Variants in COL18A1 observed in about 807,000 individuals in gnomAD.
COL18A1 encodes collagen alpha-1(XVIII) chain.
COL18A1 carries 133 observed loss-of-function variants against 168.0 expected under a neutral mutation model. The observed-to-expected ratio is 0.79, with a 90% confidence interval of 0.69 to 0.91. The LOEUF is 0.91. Ranked by LOEUF, COL18A1 falls within the 40% of genes least tolerant of loss-of-function variation. COL18A1 has a pLI of 0.00. For synonymous variants in COL18A1, 949 were observed against 809.0 expected (o/e 1.17, Z -2.94); for missense variants, 2,126 against 1,925.4 (o/e 1.10, Z -1.95).
intron 2 of COL18A1, among the ~76,000 whole-genome samples, chr21:45,453,570 G>A (rs1055073202): frequency 3.9e-5 from 6 of 152,206 alleles, no homozygotes; most frequent in Admixed American, 1.3e-4. Flanking sequence ...GAGGTTAAAC[G>A]TGCGATGCTG....
chr21:45,412,234 TTTC>T (rs201073105), intron 2 of COL18A1, among the ~76,000 whole-genome samples: 1,412 of 85,670 alleles, frequency 0.016, 41 homozygotes, highest in South Asian at 0.036. Context: ...TGGGGGTATA[TTTC>T]TTTTTTTTTT....
At chr21:45,440,788 A>T (rs746547423) in intron 2 of COL18A1, among the ~76,000 whole-genome samples, 67 of 152,168 alleles carry the variant, frequency 4.4e-4, no homozygotes, top group Non-Finnish European at 3.5e-4. Flanking sequence ...GCTTTTTGGA[A>T]ATGTCGATGC....
chr21:45,467,224 A>T (rs989406524), intron 2 of COL18A1: 1 of 985,098 alleles, frequency 1.0e-6, no homozygotes, highest in Admixed American at 6.2e-5. Context: ...GAGGTGTGAG[A>T]ACTCTGGGCA....
chr21:45,488,297 A>C, intron 17 of COL18A1, 121 bp from the exon 18 acceptor site: 1 of 1,246,536 alleles, frequency 8.0e-7, no homozygotes, highest in Non-Finnish European at 1.2e-6. Context: ...AACTTAGTAC[A>C]TTTCCTTTTA....
At chr21:45,492,747 C>T (rs552839103) in intron 24 of COL18A1, 34 bp downstream of exon 24, 26 of 1,539,596 alleles carry the variant, frequency 1.7e-5, no homozygotes, top group African/African-American at 1.6e-4. Context: ...GCATGCTGCC[C>T]GGCTGGGGAG....
In COL18A1 at chr21:45,505,874, C is replaced by G. The variant is rs961423812; in HGVS notation, c.3124C>G (p.Gln1042Glu). 6.2e-7 allele frequency: 1 copy of G among 1,612,356 alleles called. No homozygotes were observed. The highest frequency in any genetic ancestry group is 8.5e-7 in the Non-Finnish European group (1 of 1,179,844). ...LWATRQAMLGQVHEVPEGWLI... is the reference protein window; with the variant it reads ...LWATRQAMLGEVHEVPEGWLI... ...GGCTACACGCCAGGCCATGCTGGGC[C>G]AGGTGCACGAGGTTCCCGAGGGCTG... Residue 1042 changes from glutamine (Q) to glutamate (E), a missense_variant, in exon 37 of 42, where the codon CAG (glutamine) becomes GAG (glutamate). Transcript: ENST00000651438.
intron 6 of COL18A1, 25 bp from the exon 7 acceptor site, chr21:45,477,386 T>G (rs760178579): frequency 6.2e-7 from 1 of 1,602,296 alleles, no homozygotes; most frequent in South Asian, 1.1e-5. Flanking sequence ...GGCGTGACCG[T>G]GGCCACCTCT....
At position 45,511,079 on chromosome 21, in the gene COL18A1, C is replaced by CA. The variant is rs1555876759; in HGVS notation, c.3694-32_3694-31insA. On this transcript the variant is annotated intron_variant, in intron 40 of 41. Transcript: ENST00000651438. ...CCACACCCATCCACACCCCCACACA[C>CA]CACACACACATACACACGGTTTCTC... The CA allele has an allele frequency of 3.4e-4, 349 of 1,034,788 alleles. 1 individual carries two copies. In the East Asian group the frequency reaches 7.4e-3, roughly 22 times the overall value. The allele number at this position is 1,034,788 out of a possible 1,614,324, so 64.1% of individuals were successfully genotyped here. A position where few individuals can be genotyped will look rare whatever the true frequency, so the allele number is the denominator to read the frequency against.
intron 6 of COL18A1, 136 bp downstream of exon 6, chr21:45,476,616 G>A (rs1198364179): frequency 9.0e-7 from 1 of 1,105,152 alleles, no homozygotes; most frequent in Non-Finnish European, 1.3e-6. Context: ...ATGTGTGTGT[G>A]ATATGGCACG....
At chr21:45,439,360 G>A (rs1490035977) in intron 2 of COL18A1, among the ~76,000 whole-genome samples, 1 of 152,246 alleles carries the variant, frequency 6.6e-6, no homozygotes, top group African/African-American at 2.4e-5. Flanking sequence ...GTGAGCAGAG[G>A]CCGTGTGGAT....
intron 2 of COL18A1, chr21:45,410,076 C>G (rs908664956): frequency 2.3e-4 from 35 of 152,212 alleles, no homozygotes; most frequent in African/African-American, 6.5e-4. Flanking sequence ...GTCTGTGCCC[C>G]GTGCCTGCAG....
intron 2 of COL18A1, among the ~76,000 whole-genome samples, chr21:45,414,019 C>A (rs1178822718): frequency 6.6e-6 from 1 of 152,252 alleles, no homozygotes; most frequent in Non-Finnish European, 1.5e-5. Context: ...CATCTCTGCT[C>A]TCTGAGCCTT....
intron 2 of COL18A1, among the ~76,000 whole-genome samples, chr21:45,434,128 TC>T (rs2034037428): frequency 6.6e-6 from 1 of 151,302 alleles, no homozygotes; most frequent in Non-Finnish European, 1.5e-5. Flanking sequence ...AGCAGACACT[TC>T]CTGTGCAAGC....
chr21:45,475,857 G>A (rs1006037625), intron 5 of COL18A1, among the ~76,000 whole-genome samples: 1 of 152,380 alleles, frequency 6.6e-6, no homozygotes, highest in East Asian at 1.9e-4. Context: ...TAGCTCGTGC[G>A]TGGCCATCAG....
intron 9 of COL18A1, among the ~76,000 whole-genome samples, chr21:45,479,601 CCA>C (rs555135754): frequency 2.2e-4 from 31 of 140,776 alleles, no homozygotes; most frequent in African/African-American, 5.8e-4. Flanking sequence ...ACCATGCATA[CCA>C]CACACACACA....
intron 29 of COL18A1, 197 bp downstream of exon 29, chr21:45,495,629 C>G: frequency 3.3e-6 from 2 of 598,150 alleles, no homozygotes; most frequent in Non-Finnish European, 6.2e-6. Flanking sequence ...CCCAAACATG[C>G]ATGCACATAT....
chr21:45,478,217 G>T, intron 8 of COL18A1, 110 bp from the exon 9 acceptor site: 1 of 1,447,892 alleles, frequency 6.9e-7, no homozygotes. Context: ...GGGGGAAGGC[G>T]TCTGCCGCCT....
At chr21:45,494,415 C>A in intron 26 of COL18A1, 130 bp from the exon 27 acceptor site, 1 of 1,345,198 alleles carries the variant, frequency 7.4e-7, no homozygotes, top group Non-Finnish European at 1.1e-6. Context: ...ACCACAGCGG[C>A]CCTTAGGGAG....
rs572131838 is a variant in COL18A1, at chr21:45,439,140, A to G, written c.107-29102A>G. Among the ~76,000 whole-genome samples the G allele has an allele frequency of 2.0e-5, 3 of 152,376 alleles. No individual in the cohort carries two copies. In the South Asian group the frequency reaches 6.2e-4, roughly 32 times the overall value. ...TAAAAACTACACTTAACGTTTTTTAATTCGAGAAAACCTATCTGTTGCTGT... is the reference window on the plus strand; with the variant it reads ...TAAAAACTACACTTAACGTTTTTTAGTTCGAGAAAACCTATCTGTTGCTGT... On this transcript the variant is annotated intron_variant, in intron 2 of 41. Coordinates refer to ENST00000651438, the MANE Select transcript of COL18A1 (RefSeq NM_001379500.1).
Sources: allele counts gnomAD v4.1 joint callset (sites outside exome capture counted in the v4.1 genomes callset), GRCh38; gene constraint gnomAD v4.1.1; transcripts MANE v1.5; gene names NCBI Gene and HGNC (gene_info 2026-07-23, HGNC 2026-07-21).